ERBIN: variants seen among roughly 807,000 people sequenced by gnomAD.
ERBIN encodes the protein erbb2 interacting protein.
In ERBIN, 60 loss-of-function variants were observed where a neutral mutation model predicts 158.4. The observed-to-expected ratio is 0.38, with a 90% confidence interval of 0.31 to 0.47. The LOEUF (loss-of-function observed/expected upper bound fraction) is 0.47. ERBIN is among the 20% of genes least tolerant of loss of function. The pLI is 0.99. For missense variants in ERBIN, 1,610 were observed against 1,648.0 expected (o/e 0.98, Z 0.40); for synonymous variants, 594 against 557.2 (o/e 1.07, Z -0.93).
chr5:66,006,170 G>A (rs1753573445), intron 4 of ERBIN, among the ~76,000 whole-genome samples: 1 of 152,120 alleles, frequency 6.6e-6, no homozygotes, highest in Non-Finnish European at 1.5e-5. Context: ...AACTAAAACA[G>A]CATAGTACTG....
At chr5:66,019,786 T>C (rs1022161670) in intron 7 of ERBIN, among the ~76,000 whole-genome samples, 3 of 152,180 alleles carry the variant, frequency 2.0e-5, no homozygotes, top group Admixed American at 6.5e-5. Flanking sequence ...AAAACTGTTA[T>C]GCCATTGACA....
intron 14 of ERBIN, among the ~76,000 whole-genome samples, chr5:66,031,548 G>A (rs1756879672): frequency 1.3e-5 from 2 of 152,228 alleles, no homozygotes; most frequent in African/African-American, 2.4e-5. Flanking sequence ...AAAGAGGAAC[G>A]GGGCTGGGTA....
At chr5:66,013,669 T>G in intron 6 of ERBIN, 31 bp downstream of exon 6, 1 of 1,374,072 alleles carries the variant, frequency 7.3e-7, no homozygotes, top group Non-Finnish European at 1.0e-6. Context: ...AAACGTTTTA[T>G]TATTAGCTCT....
At chr5:66,028,936 C>T (rs2151162359) in intron 14 of ERBIN, among the ~76,000 whole-genome samples, 1 of 152,242 alleles carries the variant, frequency 6.6e-6, no homozygotes, top group South Asian at 2.1e-4. Flanking sequence ...AACATAATGT[C>T]CTCTAGGTTC....
At chr5:66,047,296 A>G (rs1412576288) in intron 18 of ERBIN, among the ~76,000 whole-genome samples, 1 of 152,132 alleles carries the variant, frequency 6.6e-6, no homozygotes, top group African/African-American at 2.4e-5. Context: ...GTTATAGCAT[A>G]TATCAACACA....
In ERBIN at chr5:66,081,648, G is replaced by A. The variant is rs1402031535; in HGVS notation, c.*3118G>A. The A allele has an allele frequency of 6.6e-6, 1 of 151,894 alleles. No individual in the cohort carries two copies. Among genetic ancestry groups the A allele is most frequent in the Non-Finnish European group, 1.5e-5 (1 of 67,922 alleles). The allele number at this position is 151,894 out of a possible 1,614,324, so 9.4% of individuals were successfully genotyped here. Reference sequence around the variant, plus strand: ...ATTAAAACCCTGTATATCTAGGTGTGGAAGAAGTGTAGTTTATCTCAAATT... The same window carrying A: ...ATTAAAACCCTGTATATCTAGGTGTAGAAGAAGTGTAGTTTATCTCAAATT... On this transcript the variant is annotated 3_prime_UTR_variant, in exon 26 of 26. Transcript: ENST00000284037.
chr5:65,927,541 T>G (rs1395163229), intron 1 of ERBIN, among the ~76,000 whole-genome samples: 1 of 152,298 alleles, frequency 6.6e-6, no homozygotes, highest in East Asian at 1.9e-4. Flanking sequence ...TAGGGAGAGA[T>G]AATTAAACAA....
chr5:66,013,034 C>T (rs375264338), intron 5 of ERBIN, among the ~76,000 whole-genome samples: 38 of 152,250 alleles, frequency 2.5e-4, no homozygotes, highest in African/African-American at 8.9e-4. Context: ...TTGGTTTTCA[C>T]AGTGGGGTAT....
At chr5:66,072,406 C>A in intron 22 of ERBIN, 115 bp downstream of exon 22, 4 of 1,014,648 alleles carry the variant, frequency 3.9e-6, no homozygotes, top group South Asian at 2.3e-5. Flanking sequence ...GCTTTCCCCC[C>A]TTTATTAGTA....
chr5:66,076,854 T>C (rs1762023318), intron 24 of ERBIN, 21 bp from the exon 25 acceptor site: 1 of 1,568,286 alleles, frequency 6.4e-7, no homozygotes, highest in South Asian at 1.1e-5. Flanking sequence ...TTTAGTTAAA[T>C]AATTTTTTTT....
chr5:66,038,358 T>C (rs780463988), intron 14 of ERBIN, 25 bp from the exon 15 acceptor site: 2 of 1,487,756 alleles, frequency 1.3e-6, no homozygotes, highest in Non-Finnish European at 1.9e-6. Context: ...TTATTGAAAA[T>C]TAAGCATTTA....
chr5:65,968,823 A>G (rs1748946076), intron 1 of ERBIN, among the ~76,000 whole-genome samples: 1 of 152,192 alleles, frequency 6.6e-6, no homozygotes, highest in African/African-American at 2.4e-5. Context: ...GGCCTCCCAA[A>G]GTGCTGGGAT....
At chr5:66,020,371 C>T (rs1755561164) in intron 7 of ERBIN, among the ~76,000 whole-genome samples, 2 of 151,772 alleles carry the variant, frequency 1.3e-5, no homozygotes, top group East Asian at 1.9e-4. Flanking sequence ...CTGTGTTTTT[C>T]GTGCCGTAAT....
intron 4 of ERBIN, among the ~76,000 whole-genome samples, chr5:66,008,313 G>C (rs935246509): frequency 2.0e-5 from 3 of 152,158 alleles, no homozygotes; most frequent in Non-Finnish European, 4.4e-5. Flanking sequence ...CAGCTACTTA[G>C]GAGGCTGAGG....
At chr5:66,048,200 C>G (rs1480177338) in intron 18 of ERBIN, among the ~76,000 whole-genome samples, 1 of 151,440 alleles carries the variant, frequency 6.6e-6, no homozygotes, top group East Asian at 1.9e-4. Context: ...CTGAATAAGT[C>G]AGAGACAATA....
chr5:65,950,692 T>C (rs1349485538), intron 1 of ERBIN, among the ~76,000 whole-genome samples: 4 of 152,186 alleles, frequency 2.6e-5, no homozygotes, highest in Non-Finnish European at 2.9e-5. Context: ...CCAAATAATT[T>C]GCAGGCATGT....
At position 66,026,321 on chromosome 5, in the gene ERBIN, T is replaced by C. The variant is rs200585198; in HGVS notation, c.1040T>C (p.Ile347Thr). 12 of 1,589,310 alleles carry C rather than the reference T, an allele frequency of 7.6e-6. No individual in the cohort carries two copies. The highest frequency in any genetic ancestry group is 1.7e-4 in the Middle Eastern group (1 of 6,010). ...TTTCAGATTGGAAGCTGGAAAAATA[T>C]AACTGTGCTGTTTCTCCATTCCAAT... ...LPPEIGSWKN[I>T]TVLFLHSNKL... The change falls in exon 13 of 26, where the codon ATA becomes ACA. Residue 347 changes from isoleucine (I) to threonine (T), a missense_variant. Coordinates refer to ENST00000284037, the MANE Select transcript of ERBIN (RefSeq NM_001253697.2).
intron 3 of ERBIN, among the ~76,000 whole-genome samples, chr5:65,993,522 A>C (rs1485020223): frequency 6.6e-6 from 1 of 152,046 alleles, no homozygotes; most frequent in Non-Finnish European, 1.5e-5. Flanking sequence ...TTTCTTCTTA[A>C]ATCCCAGTCT....
chr5:66,052,475 A>G (rs565726594), intron 20 of ERBIN, among the ~76,000 whole-genome samples: 1 of 152,258 alleles, frequency 6.6e-6, no homozygotes, highest in Non-Finnish European at 1.5e-5. Flanking sequence ...CCTCCTAGAT[A>G]TTATCGTATT....
Sources: gnomAD v4.1 joint callset for allele counts (sites outside exome capture counted in the v4.1 genomes callset) on GRCh38, gnomAD v4.1.1 for gene constraint, MANE v1.5 for transcripts, NCBI Gene and HGNC (gene_info 2026-07-23, HGNC 2026-07-21) for gene names.